The following KIRREL3 variants were observed in gnomAD, a reference collection of about 807,000 sequenced individuals.
KIRREL3 encodes kin of IRRE-like protein 3.
KIRREL3 carries 36 observed loss-of-function variants against 89.7 expected under a neutral mutation model. The ratio of observed to expected loss-of-function variants is 0.40; its 90% confidence interval spans 0.31 to 0.53. The LOEUF (loss-of-function observed/expected upper bound fraction) is 0.53. Ranked by LOEUF, KIRREL3 falls within the 20% of genes least tolerant of loss-of-function variation. KIRREL3 has a pLI of 0.49. For synonymous variants in KIRREL3, 445 were observed against 441.4 expected (o/e 1.01, Z -0.10); for missense variants, 864 against 1,056.6 (o/e 0.82, Z 2.53).
rs1480507668 is a variant in KIRREL3 at position 126,930,199 on chromosome 11, T to C, written c.55+70256A>G. ...GTGACCTAATTTGCTTTGAGTACTG[T>C]AACTCAGGGTTGTTGTATGCGTGTG... On this transcript the variant is annotated intron_variant, in intron 1 of 16. Transcript: ENST00000525144. 2.0e-5 allele frequency among the ~76,000 whole-genome samples: 3 copies of C among 152,322 alleles called. No homozygotes were observed. The East Asian group carries it at 5.8e-4, about 29-fold the overall frequency.
chr11:126,659,030 A>G (rs1355562517), intron 1 of KIRREL3, among the ~76,000 whole-genome samples: 1 of 152,240 alleles, frequency 6.6e-6, no homozygotes, highest in African/African-American at 2.4e-5. Flanking sequence ...GAGAAATTAT[A>G]GGAAACCATT....
chr11:126,981,694 C>T lies in KIRREL3; in HGVS notation c.55+18761G>A, dbSNP rs1471103444. 6.6e-6 allele frequency among the ~76,000 whole-genome samples: 1 copy of T among 152,116 alleles called. No homozygotes were observed. Among genetic ancestry groups the T allele is most frequent in the Non-Finnish European group, 1.5e-5 (1 of 68,026 alleles). On this transcript the variant is annotated intron_variant, in intron 1 of 16. Coordinates refer to ENST00000525144, the MANE Select transcript of KIRREL3 (RefSeq NM_032531.4). The surrounding 1 kb of genome is among the most constrained non-coding windows in gnomAD (Gnocchi z 4.2). The stretch of plus-strand genomic sequence containing the variant: ...GCTCAGGGGGCTTTTATCAATGCAC[C>T]CCCATCCTTGGAGTAGGTTCCTGAG...
rs1247983211 is a variant in KIRREL3, at chr11:126,997,448, G to A, written c.55+3007C>T. Among the ~76,000 whole-genome samples the A allele has an allele frequency of 1.3e-5, 2 of 152,062 alleles. No individual in the cohort carries two copies. Among genetic ancestry groups the A allele is most frequent in the African/African-American group, 4.8e-5 (2 of 41,406 alleles). On this transcript the variant is annotated intron_variant, in intron 1 of 16. Coordinates refer to ENST00000525144, the MANE Select transcript of KIRREL3 (RefSeq NM_032531.4). The surrounding 1 kb of genome is among the most constrained non-coding windows in gnomAD (Gnocchi z 4.3). ...AGCCAGGCCTGGGGACTCTGGCGGG[G>A]GTGGAATCGGGAGGAATGTTATTTA...
chr11:126,681,710 A>T (rs1946464830), intron 1 of KIRREL3: 1 of 351,806 alleles, frequency 2.8e-6, no homozygotes, highest in African/African-American at 2.1e-5. Flanking sequence ...CGTGTATAGT[A>T]GGTGATCAAT....
intron 1 of KIRREL3, among the ~76,000 whole-genome samples, chr11:126,930,894 G>T (rs1947922281): frequency 6.6e-6 from 1 of 152,158 alleles, no homozygotes; most frequent in South Asian, 2.1e-4. Flanking sequence ...AAGGTCCATT[G>T]CCTCCTCTGT....
chr11:126,749,785 C>A (rs1239520957), intron 1 of KIRREL3, among the ~76,000 whole-genome samples: 2 of 152,100 alleles, frequency 1.3e-5, no homozygotes, highest in Admixed American at 1.3e-4. Context: ...CATAACCGGA[C>A]CCTCAACATG....
In KIRREL3 at chr11:126,771,176, T is replaced by C. The variant is rs142921457; in HGVS notation, c.56-208264A>G. ...TTAAAGAGTGTTGTATACCAAGTCTTGTGTTAGCTGCTTTTACAACCATTG... is the reference window on the plus strand; with the variant it reads ...TTAAAGAGTGTTGTATACCAAGTCTCGTGTTAGCTGCTTTTACAACCATTG... On this transcript the variant is annotated intron_variant, in intron 1 of 16. Transcript: ENST00000525144. The surrounding 1 kb of genome is among the most constrained non-coding windows in gnomAD (Gnocchi z 4.4). 1.3e-3 allele frequency among the ~76,000 whole-genome samples: 204 copies of C among 152,222 alleles called. 1 individual carries two copies. The East Asian group carries it at 0.032, about 24-fold the overall frequency.
chr11:126,840,024 T>C (rs1248401625), intron 1 of KIRREL3, among the ~76,000 whole-genome samples: 2 of 152,126 alleles, frequency 1.3e-5, no homozygotes, highest in African/African-American at 4.8e-5. Context: ...ACTAGGGACA[T>C]GAACGTTGAG....
Position 126,837,385 on chromosome 11 carries a change from C to T in KIRREL3, c.55+163070G>A, listed in dbSNP as rs111576139. On this transcript the variant is annotated intron_variant, in intron 1 of 16. Coordinates refer to ENST00000525144, the MANE Select transcript of KIRREL3 (RefSeq NM_032531.4). This position sits in a 1 kb window ranked among gnomAD's most constrained non-coding sequence, Gnocchi z 4.7. The stretch of plus-strand genomic sequence containing the variant: ...ATATAGCTGAGATAATATTTCAAAA[C>T]TCTGAATTCAAAACTATGAACTTGT... Among the ~76,000 whole-genome samples the T allele has an allele frequency of 0.013, 2,049 of 152,238 alleles. 49 individuals carry two copies. The highest frequency in any genetic ancestry group is 0.047 in the African/African-American group (1,950 of 41,526).
chr11:126,847,656 G>A (rs1944193780), intron 1 of KIRREL3, among the ~76,000 whole-genome samples: 2 of 152,108 alleles, frequency 1.3e-5, no homozygotes, highest in South Asian at 4.1e-4. Flanking sequence ...ATAGAAGTCT[G>A]AAGTAATCTT....
chr11:126,434,482 A>G lies in KIRREL3; in HGVS notation c.1588+786T>C, dbSNP rs146845030. On this transcript the variant is annotated intron_variant, in intron 13 of 16. Coordinates refer to ENST00000525144, the MANE Select transcript of KIRREL3 (RefSeq NM_032531.4). ...GTGCTCTGATAGGGGCATGTCTGCC[A>G]GGAGGGGCAGAGGCAGGGGCATGAG... Among the ~76,000 whole-genome samples the G allele has an allele frequency of 9.6e-3, 1,468 of 152,342 alleles. 31 individuals are homozygous for G. Among genetic ancestry groups the G allele is most frequent in the African/African-American group, 0.032 (1,322 of 41,572 alleles).
intron 2 of KIRREL3, among the ~76,000 whole-genome samples, chr11:126,545,780 G>A (rs1938768640): frequency 6.6e-6 from 1 of 152,204 alleles, no homozygotes; most frequent in African/African-American, 2.4e-5. Flanking sequence ...TTCTGGTTCT[G>A]GAGGGCATTG....
At chr11:126,449,837 G>C (rs1334190726) in intron 7 of KIRREL3, among the ~76,000 whole-genome samples, 1 of 152,196 alleles carries the variant, frequency 6.6e-6, no homozygotes, top group Non-Finnish European at 1.5e-5. Flanking sequence ...GTTCTGCATG[G>C]TGTCTCCTCG....
rs138717056 is a variant in KIRREL3, at chr11:126,821,477, G to A, written c.55+178978C>T. Among the ~76,000 whole-genome samples, 335 of 151,474 alleles carry A rather than the reference G, an allele frequency of 2.2e-3. 8 individuals carry two copies. In the East Asian group the frequency reaches 0.051, roughly 23 times the overall value. ...GTGGCATTTGATATGTGTGACCTGGGCAAAAATTATTTAACTATTAGGGTC... is the reference window on the plus strand; with the variant it reads ...GTGGCATTTGATATGTGTGACCTGGACAAAAATTATTTAACTATTAGGGTC... On this transcript the variant is annotated intron_variant, in intron 1 of 16. Transcript: ENST00000525144.
intron 1 of KIRREL3, among the ~76,000 whole-genome samples, chr11:126,921,389 TTGTATCTATCTATCTATCTATCTA>T (rs1285762695): frequency 7.3e-5 from 10 of 137,136 alleles, no homozygotes; most frequent in Admixed American, 6.9e-4. Context: ...TCATCCTGTC[TTGTATCTATCTATCTATCTATCTA>T]TCTATCTATC....
At chr11:126,834,070 T>C (rs1473575218) in intron 1 of KIRREL3, among the ~76,000 whole-genome samples, 1 of 152,214 alleles carries the variant, frequency 6.6e-6, no homozygotes, top group Non-Finnish European at 1.5e-5. Context: ...ATTCTTTTTC[T>C]ACTTTATAAT....
intron 16 of KIRREL3, 132 bp downstream of exon 16, chr11:126,425,506 C>T (rs1954905926): frequency 2.5e-6 from 2 of 786,872 alleles, no homozygotes. Flanking sequence ...GGACGGGCAC[C>T]TGCCACCAAG....
rs1945661405 is a variant in KIRREL3 at position 126,666,303 on chromosome 11, C to T, written c.56-103391G>A. On this transcript the variant is annotated intron_variant, in intron 1 of 16. Transcript: ENST00000525144. The surrounding 1 kb of genome is among the most constrained non-coding windows in gnomAD (Gnocchi z 4.2). Reference sequence around the variant, plus strand: ...TTGGGTTTTACCTCCTGTCCAGGCACCCGTTCCTCTTTCTGCAGGGATAAG... The same window carrying T: ...TTGGGTTTTACCTCCTGTCCAGGCATCCGTTCCTCTTTCTGCAGGGATAAG... Among the ~76,000 whole-genome samples the T allele has an allele frequency of 6.6e-6, 1 of 152,188 alleles. No individual in the cohort carries two copies. Among genetic ancestry groups the T allele is most frequent in the African/African-American group, 2.4e-5 (1 of 41,448 alleles).
Position 126,685,658 on chromosome 11 carries a change from A to G in KIRREL3, c.56-122746T>C, listed in dbSNP as rs1183454516. Reference sequence around the variant, plus strand: ...GTAACAGATAAACCTTAATTAAAACATTCCAAAATACCATGGCTGAGTTAA... The same window carrying G: ...GTAACAGATAAACCTTAATTAAAACGTTCCAAAATACCATGGCTGAGTTAA... On this transcript the variant is annotated intron_variant, in intron 1 of 16. Coordinates refer to ENST00000525144, the MANE Select transcript of KIRREL3 (RefSeq NM_032531.4). The surrounding 1 kb of genome is among the most constrained non-coding windows in gnomAD (Gnocchi z 5.5). Among the ~76,000 whole-genome samples, 1 of 152,274 alleles carries G rather than the reference A, an allele frequency of 6.6e-6. No individual in the cohort carries two copies. Among genetic ancestry groups the G allele is most frequent in the Non-Finnish European group, 1.5e-5 (1 of 68,050 alleles).
Sources: allele counts gnomAD v4.1 joint callset (sites outside exome capture counted in the v4.1 genomes callset), GRCh38; gene constraint gnomAD v4.1.1; non-coding constraint Gnocchi (gnomAD v3.1); transcripts MANE v1.5; gene names NCBI Gene and HGNC (gene_info 2026-07-23, HGNC 2026-07-21).